RP1L1: variants seen among roughly 807,000 people sequenced by gnomAD.
RP1L1 encodes retinitis pigmentosa 1-like 1 protein.
Under a neutral mutation model 15.7 loss-of-function variants are expected in RP1L1, and 27 were observed. That is an observed-to-expected ratio of 1.72 (90% confidence interval 1.27 to 2.38). The LOEUF (loss-of-function observed/expected upper bound fraction) is 2.38. RP1L1 is among the 30% of genes most tolerant of loss of function. The pLI, the probability that RP1L1 is intolerant of heterozygous loss-of-function variation, is 0.00. For missense variants in RP1L1, 4,798 were observed against 3,075.9 expected (o/e 1.56, Z -13.24); for synonymous variants, 1,813 against 1,276.7 (o/e 1.42, Z -8.96).
intron 1 of RP1L1, among the ~76,000 whole-genome samples, chr8:10,633,229 G>A (rs193207495): frequency 1.3e-5 from 2 of 152,288 alleles, no homozygotes; most frequent in Admixed American, 6.5e-5. Flanking sequence ...TCACAAAGCC[G>A]CAGCCAGGTC....
chr8:10,616,739 C>T, intron 2 of RP1L1, 152 bp from the exon 3 acceptor site: 2 of 826,324 alleles, frequency 2.4e-6, no homozygotes, highest in Non-Finnish European at 3.7e-6. Flanking sequence ...GTCTTATCCA[C>T]TCCCCATAAC....
chr8:10,609,631 C>A lies in RP1L1; in HGVS notation c.4467G>T (p.Glu1489Asp). ...CCTGGGTGGGTTGGGCCTGCGTGTGCTCTTGGCCCATCATGGTGGCTCCGG... is the reference window on the plus strand; with the variant it reads ...CCTGGGTGGGTTGGGCCTGCGTGTGATCTTGGCCCATCATGGTGGCTCCGG... ...KPPGATMMGQEHTQAQPTQGA... is the reference protein window; with the variant it reads ...KPPGATMMGQDHTQAQPTQGA... The change falls in exon 4 of 4, where the codon GAG becomes GAT. Residue 1489 changes from glutamate (E) to aspartate (D), a missense_variant. Transcript: ENST00000382483. 1.2e-6 allele frequency: 2 copies of A among 1,608,498 alleles called. No individual in the cohort carries two copies. The highest frequency in any genetic ancestry group is 2.2e-5 in the South Asian group (2 of 91,068).
intron 1 of RP1L1, among the ~76,000 whole-genome samples, chr8:10,652,905 T>C (rs1260342338): frequency 6.6e-6 from 1 of 152,196 alleles, no homozygotes; most frequent in Non-Finnish European, 1.5e-5. Context: ...TAAAGTATTT[T>C]CAGACATTAA....
At chr8:10,621,024 A>C (rs892770801) in intron 2 of RP1L1, 1 of 152,258 alleles carries the variant, frequency 6.6e-6, no homozygotes, top group Non-Finnish European at 1.5e-5. Context: ...CTTGCAGTAG[A>C]TAGCCTAATT....
Position 10,606,652 on chromosome 8 carries a change from G to GTT in RP1L1, c.*242_*243insAA. On this transcript the variant is annotated 3_prime_UTR_variant, in exon 4 of 4. Coordinates refer to ENST00000382483, the MANE Select transcript of RP1L1 (RefSeq NM_178857.6). Reference sequence around the variant, plus strand: ...GAGCCGGGCTGACCTCCGATAACCGGGCAGATCCGCAGACACCCCCTTTCT... The same window carrying GTT: ...GAGCCGGGCTGACCTCCGATAACCGGTTGCAGATCCGCAGACACCCCCTTTCT... 1.7e-6 allele frequency: 1 copy of GTT among 598,702 alleles called. No individual in the cohort carries two copies. Among genetic ancestry groups the GTT allele is most frequent in the South Asian group, 2.1e-5 (1 of 46,540 alleles). 37.1% of individuals were successfully genotyped at this position (598,702 alleles called of 1,614,324 possible).
intron 1 of RP1L1, among the ~76,000 whole-genome samples, chr8:10,645,677 G>A (rs141923307): frequency 2.2e-3 from 332 of 152,234 alleles, no homozygotes; most frequent in South Asian, 4.6e-3. Context: ...GGAAGGAGTC[G>A]CGAGGCTGCG....
chr8:10,652,456 G>A (rs35524399), intron 1 of RP1L1, among the ~76,000 whole-genome samples: 28,460 of 150,960 alleles, frequency 0.19, 3,033 homozygotes, highest in Non-Finnish European at 0.25. Flanking sequence ...GACACTTGAC[G>A]AATGCGATGT....
rs748858444 is a variant in RP1L1 at position 10,612,521 on chromosome 8, C to G, written c.1577G>C (p.Arg526Pro). 1 of 1,611,134 alleles carries G rather than the reference C, an allele frequency of 6.2e-7. No individual in the cohort carries two copies. The highest frequency in any genetic ancestry group is 8.5e-7 in the Non-Finnish European group (1 of 1,179,574). Residue 526 changes from arginine to proline, a missense_variant, in exon 4 of 4, where the codon CGG becomes CCG. Arg to Pro is a moderately radical substitution (Grantham distance 103). Coordinates refer to ENST00000382483, the MANE Select transcript of RP1L1 (RefSeq NM_178857.6). ...GTCCGAAGAAGCCCCCTCCTCACTCCGGGCCCTCGGTGTCAGGCGGCCGCC... is the reference window on the plus strand; with the variant it reads ...GTCCGAAGAAGCCCCCTCCTCACTCGGGGCCCTCGGTGTCAGGCGGCCGCC... The part of the protein sequence containing the change: ...EQGGRLTPRA[R>P]SEEGASSDSS...
intron 1 of RP1L1, among the ~76,000 whole-genome samples, chr8:10,639,298 A>G (rs539069374): frequency 3.3e-5 from 5 of 152,292 alleles, no homozygotes; most frequent in South Asian, 4.1e-4. Flanking sequence ...GCAGCCTACA[A>G]CCGAGGAATC....
intron 1 of RP1L1, among the ~76,000 whole-genome samples, chr8:10,642,550 G>A (rs1361715392): frequency 6.6e-6 from 1 of 152,182 alleles, no homozygotes; most frequent in East Asian, 1.9e-4. Flanking sequence ...AGATGCCAAT[G>A]ATCACAGAGA....
intron 2 of RP1L1, among the ~76,000 whole-genome samples, chr8:10,619,353 T>C (rs535796345): frequency 6.6e-6 from 1 of 152,244 alleles, no homozygotes; most frequent in Non-Finnish European, 1.5e-5. Flanking sequence ...AAGTCAAAGA[T>C]GCAGAGAGGC....
In RP1L1 at chr8:10,623,138, C is replaced by A. The variant is rs745871135; in HGVS notation, c.64G>T (p.Ala22Ser). 6.2e-7 allele frequency: 1 copy of A among 1,606,870 alleles called. No individual in the cohort carries two copies. The highest frequency in any genetic ancestry group is 8.5e-7 in the Non-Finnish European group (1 of 1,176,372). The change falls in exon 2 of 4, where the codon GCT becomes TCT. Residue 22 changes from alanine (A) to serine (S), a missense_variant. Ala to Ser is a moderately conservative substitution (Grantham distance 99). Transcript: ENST00000382483. ...ACCTTGGTGACCGAGGGGGTGCGAG[C>A]CACAGAGGGCAGGAAGCACTCACGG... ...SHRECFLPSV[A>S]RTPSVTKVTP...
intron 3 of RP1L1, among the ~76,000 whole-genome samples, chr8:10,614,664 A>AAAAC (rs1797936645): frequency 6.7e-6 from 1 of 148,992 alleles, no homozygotes; most frequent in Non-Finnish European, 1.5e-5. Flanking sequence ...CTGTCGTCAA[A>AAAAC]AAAAAAAAAA....
intron 1 of RP1L1, among the ~76,000 whole-genome samples, chr8:10,633,740 C>T (rs1369464456): frequency 6.6e-6 from 1 of 152,148 alleles, no homozygotes; most frequent in East Asian, 1.9e-4. Flanking sequence ...GACCTAAGTA[C>T]AGACTACACG....
At chr8:10,615,913 T>C (rs978785840) in intron 3 of RP1L1, among the ~76,000 whole-genome samples, 3 of 152,104 alleles carry the variant, frequency 2.0e-5, no homozygotes, top group Non-Finnish European at 2.9e-5. Context: ...TCCATTTATT[T>C]ATTAATTTTG....
intron 1 of RP1L1, among the ~76,000 whole-genome samples, chr8:10,646,680 G>T (rs1457279598): frequency 2.6e-5 from 4 of 152,202 alleles, no homozygotes; most frequent in East Asian, 3.9e-4. Context: ...GGCCTCTCCT[G>T]CCCACACCCA....
rs774522259 is a variant in RP1L1, at chr8:10,610,589, G to A, written c.3509C>T (p.Ser1170Leu). The A allele has an allele frequency of 2.5e-5, 41 of 1,613,504 alleles. 1 individual carries two copies. In the South Asian group the frequency reaches 4.3e-4, roughly 17 times the overall value. ...GCDVGEDQLDSGLWELTWSQA... is the reference protein window; with the variant it reads ...GCDVGEDQLDLGLWELTWSQA... ...GCTCCATGTGAGCTCCCAGAGGCCT[G>A]AGTCCAGCTGGTCTTCCCCAACGTC... Residue 1170 changes from serine (S) to leucine (L), a missense_variant, in exon 4 of 4, where the codon TCA (serine) becomes TTA (leucine). Ser to Leu is a moderately radical substitution (Grantham distance 145, BLOSUM62 -2). Coordinates refer to ENST00000382483, the MANE Select transcript of RP1L1 (RefSeq NM_178857.6).
chr8:10,612,854 G>C lies in RP1L1; in HGVS notation c.1244C>G (p.Ser415Cys), dbSNP rs538675642. 28 of 1,612,798 alleles carry C rather than the reference G, an allele frequency of 1.7e-5. No individual in the cohort carries two copies. The highest frequency in any genetic ancestry group is 1.6e-4 in the African/African-American group (12 of 75,018). Residue 415 changes from serine (S) to cysteine (C), a missense_variant, in exon 4 of 4, where the codon TCC becomes TGC. Physicochemically the swap from Ser to Cys is moderately radical, Grantham distance 112. Transcript: ENST00000382483. ...CCGAGCTGCCACTCTCTCTCCCTGG[G>C]AGGCATGCAGGGGATTCGTCCAGAT... ...YEIWTNPLHA[S>C]QGERVAARKR... is the part of the protein sequence containing the mutation.
chr8:10,642,807 A>AT (rs1338150751), intron 1 of RP1L1, among the ~76,000 whole-genome samples: 1 of 152,170 alleles, frequency 6.6e-6, no homozygotes, highest in Admixed American at 6.5e-5. Context: ...GAATGTGTGG[A>AT]TTTTTTCACA....
Sources: gnomAD v4.1 joint callset for allele counts (sites outside exome capture counted in the v4.1 genomes callset) on GRCh38, gnomAD v4.1.1 for gene constraint, MANE v1.5 for transcripts, NCBI Gene and HGNC (gene_info 2026-07-23, HGNC 2026-07-21) for gene names.